ABHD17B: variants seen among roughly 807,000 people sequenced by gnomAD.
ABHD17B encodes abhydrolase domain containing 17B, depalmitoylase, also known as alpha/beta hydrolase domain-containing protein 17B.
In ABHD17B, 9 loss-of-function variants were observed where a neutral mutation model predicts 26.2. The ratio of observed to expected loss-of-function variants is 0.34; its 90% CI spans 0.21 to 0.60. ABHD17B has a LOEUF of 0.60. ABHD17B is among the 20% of genes least tolerant of loss of function. The pLI, the probability that ABHD17B is intolerant of heterozygous loss-of-function variation, is 0.80. For missense variants in ABHD17B, 224 were observed against 352.1 expected (o/e 0.64, Z 2.91); for synonymous variants, 127 against 122.3 (o/e 1.04, Z -0.25).
intron 1 of ABHD17B, among the ~76,000 whole-genome samples, chr9:71,881,917 A>T (rs1826454247): frequency 6.6e-6 from 1 of 151,958 alleles, no homozygotes; most frequent in South Asian, 2.1e-4. Context: ...AAGGAAAAAA[A>T]AAAACAATAA....
chr9:71,866,352 C>T lies in ABHD17B; in HGVS notation c.*435G>A. The T allele has an allele frequency of 2.0e-6, 2 of 987,342 alleles. No individual in the cohort carries two copies. Among genetic ancestry groups the T allele is most frequent in the South Asian group, 8.9e-5 (2 of 22,556 alleles). 61.2% of individuals were successfully genotyped at this position (987,342 alleles called of 1,614,324 possible). A position where few individuals can be genotyped will look rare whatever the true frequency, so the allele number is the denominator to read the frequency against. ...TTTAAATCTCTTTTACAGTTCATTC[C>T]ATTATGAGTACTTAAATTGCTTTAG... On this transcript the variant is annotated 3_prime_UTR_variant, in exon 4 of 4. Transcript: ENST00000333421.
intron 1 of ABHD17B, among the ~76,000 whole-genome samples, chr9:71,909,989 C>G (rs1192231958): frequency 6.6e-6 from 1 of 151,648 alleles, no homozygotes; most frequent in Non-Finnish European, 1.5e-5. Flanking sequence ...AAATCCCAAA[C>G]AAAACCTTTA....
intron 1 of ABHD17B, among the ~76,000 whole-genome samples, chr9:71,900,348 T>C (rs932022427): frequency 6.6e-6 from 1 of 152,186 alleles, no homozygotes; most frequent in African/African-American, 2.4e-5. Context: ...AAAAACTCCT[T>C]GATGGCTTCT....
rs1825960818 is a variant in ABHD17B at position 71,866,550 on chromosome 9, T to A, written c.*237A>T. The A allele has an allele frequency of 9.2e-6, 12 of 1,311,094 alleles. No individual in the cohort carries two copies. Among genetic ancestry groups the A allele is most frequent in the Non-Finnish European group, 1.2e-5 (12 of 1,027,560 alleles). The allele number at this position is 1,311,094 out of a possible 1,614,324, so 81.2% of individuals were successfully genotyped here. A position where few individuals can be genotyped will look rare whatever the true frequency, so the allele number is the denominator to read the frequency against. On this transcript the variant is annotated 3_prime_UTR_variant, in exon 4 of 4. Coordinates refer to ENST00000333421, the MANE Select transcript of ABHD17B (RefSeq NM_001025780.3). ...TCTCATACAGTACTCATCTTGATGT[T>A]AAAAAAAAATTCACAGAAAAAATAT...
chr9:71,880,412 G>A (rs900054034), intron 1 of ABHD17B, among the ~76,000 whole-genome samples: 2 of 151,692 alleles, frequency 1.3e-5, no homozygotes, highest in Non-Finnish European at 2.9e-5. Flanking sequence ...AAATCAAGCT[G>A]AAAGACAAGA....
chr9:71,911,172 A>G lies in ABHD17B; in HGVS notation c.-542T>C, dbSNP rs1222101978. On this transcript the variant is annotated 5_prime_UTR_variant, in exon 1 of 4. Transcript: ENST00000333421. ...GAGGGGACGAGCACAATCCCCACTGAGCCAGGAGTTGGCCACTGACTGGAG... is the reference window on the plus strand; with the variant it reads ...GAGGGGACGAGCACAATCCCCACTGGGCCAGGAGTTGGCCACTGACTGGAG... Among the ~76,000 whole-genome samples, 2 of 152,056 alleles carry G rather than the reference A, an allele frequency of 1.3e-5. No homozygotes were observed. The highest frequency in any genetic ancestry group is 2.4e-5 in the African/African-American group (1 of 41,420).
At chr9:71,889,834 C>T (rs888923224) in intron 1 of ABHD17B, among the ~76,000 whole-genome samples, 2 of 152,046 alleles carry the variant, frequency 1.3e-5, no homozygotes, top group Non-Finnish European at 2.9e-5. Context: ...TTCCCTAATC[C>T]CAACCCAAAC....
At chr9:71,885,928 G>A (rs1242835208) in intron 1 of ABHD17B, among the ~76,000 whole-genome samples, 1 of 152,132 alleles carries the variant, frequency 6.6e-6, no homozygotes, top group African/African-American at 2.4e-5. Flanking sequence ...AGCATTAAAA[G>A]TCTTTAAAAG....
intron 1 of ABHD17B, among the ~76,000 whole-genome samples, chr9:71,896,989 G>A (rs1315802384): frequency 6.6e-6 from 1 of 152,124 alleles, no homozygotes; most frequent in Non-Finnish European, 1.5e-5. Context: ...TGCCCAAGAG[G>A]AAGTACAGAA....
intron 1 of ABHD17B, among the ~76,000 whole-genome samples, chr9:71,880,421 G>A (rs1410539879): frequency 1.3e-5 from 2 of 151,688 alleles, no homozygotes; most frequent in African/African-American, 4.8e-5. Flanking sequence ...TGAAAGACAA[G>A]AATGACAAAT....
intron 1 of ABHD17B, among the ~76,000 whole-genome samples, chr9:71,877,060 T>G (rs1264433888): frequency 2.6e-5 from 4 of 152,194 alleles, no homozygotes; most frequent in Admixed American, 6.5e-5. Context: ...CTGAGAATGA[T>G]TCTAAGGCAT....
At chr9:71,878,134 T>G (rs1268935065) in intron 1 of ABHD17B, among the ~76,000 whole-genome samples, 1 of 150,878 alleles carries the variant, frequency 6.6e-6, no homozygotes, top group Non-Finnish European at 1.5e-5. Context: ...CATTTTATTC[T>G]GTAAAAAAAA....
In ABHD17B at chr9:71,874,646, G is replaced by A. The variant is rs1291985661; in HGVS notation, c.435C>T (p.Asp145=). The change falls in exon 2 of 4, where the codon GAC becomes GAT. Residue 145 remains aspartate, a synonymous_variant. Transcript: ENST00000333421. ...GKPTEKNLYA[D]IEAAWLALRT... ...TAAGAGCAAGCCAAGCAGCTTCAAT[G>A]TCTGCATAGAGGTTCTTCTCTGTGG... The A allele has an allele frequency of 4.4e-6, 7 of 1,602,432 alleles. No individual in the cohort carries two copies. Among genetic ancestry groups the A allele is most frequent in the Admixed American group, 3.4e-5 (2 of 58,460 alleles).
At chr9:71,880,483 C>A (rs1345470895) in intron 1 of ABHD17B, among the ~76,000 whole-genome samples, 1 of 151,638 alleles carries the variant, frequency 6.6e-6, no homozygotes, top group Admixed American at 6.6e-5. Context: ...AGAAAAAAAA[C>A]ACATGGTTTT....
intron 1 of ABHD17B, among the ~76,000 whole-genome samples, chr9:71,901,036 C>T (rs926680430): frequency 3.3e-5 from 5 of 151,998 alleles, no homozygotes; most frequent in African/African-American, 1.2e-4. Flanking sequence ...CCTGTAGTCC[C>T]AGCTACTCAG....
At chr9:71,878,309 T>C (rs1202788406) in intron 1 of ABHD17B, among the ~76,000 whole-genome samples, 1 of 152,130 alleles carries the variant, frequency 6.6e-6, no homozygotes, top group East Asian at 1.9e-4. Context: ...TGGAATTTTT[T>C]TGTGGGAATT....
intron 1 of ABHD17B, among the ~76,000 whole-genome samples, chr9:71,907,454 G>A (rs193259988): frequency 2.6e-5 from 4 of 152,086 alleles, no homozygotes; most frequent in African/African-American, 7.2e-5. Flanking sequence ...GTTAGATATC[G>A]GGGGGAAAAG....
chr9:71,889,350 CTATT>C (rs1378168730), intron 1 of ABHD17B, among the ~76,000 whole-genome samples: 2 of 151,664 alleles, frequency 1.3e-5, no homozygotes, highest in East Asian at 3.9e-4. Flanking sequence ...GCATGTTACA[CTATT>C]TTTTAAAAGT....
At chr9:71,888,240 G>T (rs1826670400) in intron 1 of ABHD17B, among the ~76,000 whole-genome samples, 1 of 152,220 alleles carries the variant, frequency 6.6e-6, no homozygotes, top group Non-Finnish European at 1.5e-5. Context: ...TGACTGGAAA[G>T]TACAATTAGC....
Sources: allele counts gnomAD v4.1 joint callset (sites outside exome capture counted in the v4.1 genomes callset), GRCh38; gene constraint gnomAD v4.1.1; transcripts MANE v1.5; gene names NCBI Gene and HGNC (gene_info 2026-07-23, HGNC 2026-07-21).